The following COL8A1 variants were observed in gnomAD, a reference collection of about 807,000 sequenced individuals.
COL8A1 encodes collagen type VIII alpha 1 chain.
COL8A1 carries 21 observed loss-of-function variants against 42.7 expected under a neutral mutation model. That is an observed-to-expected ratio of 0.49 (90% confidence interval 0.35 to 0.71). The LOEUF (loss-of-function observed/expected upper bound fraction) is 0.71. Ranked by LOEUF, COL8A1 falls within the 30% of genes least tolerant of loss-of-function variation. The pLI, the probability that COL8A1 is intolerant of heterozygous loss-of-function variation, is 0.01. For synonymous variants in COL8A1, 367 were observed against 369.1 expected (o/e 0.99, Z 0.06); for missense variants, 788 against 962.4 (o/e 0.82, Z 2.40).
At chr3:99,717,564 C>G (rs959623255) in intron 1 of COL8A1, among the ~76,000 whole-genome samples, 1 of 151,990 alleles carries the variant, frequency 6.6e-6, no homozygotes, top group Non-Finnish European at 1.5e-5. Flanking sequence ...CAGAGTGCCA[C>G]TAGAAATAAA....
At chr3:99,735,206 A>G (rs1472086630) in intron 1 of COL8A1, among the ~76,000 whole-genome samples, 3 of 142,772 alleles carry the variant, frequency 2.1e-5, no homozygotes, top group African/African-American at 8.1e-5. Context: ...GAGTGGTGAG[A>G]GAGGGCATCC....
intron 1 of COL8A1, among the ~76,000 whole-genome samples, chr3:99,640,112 T>C (rs1423061798): frequency 2.0e-5 from 3 of 152,186 alleles, no homozygotes; most frequent in African/African-American, 7.2e-5. Context: ...GTTACTCAAA[T>C]GCAAGAGTTA....
intron 2 of COL8A1, among the ~76,000 whole-genome samples, chr3:99,787,866 ACACACACACCCACACC>A (rs1484875721): frequency 4.0e-5 from 6 of 151,086 alleles, no homozygotes; most frequent in Admixed American, 2.0e-4. Flanking sequence ...ATACACACAC[ACACACACACCCACACC>A]CACACACACA....
At chr3:99,740,141 T>C (rs1352090127) in intron 1 of COL8A1, among the ~76,000 whole-genome samples, 1 of 152,164 alleles carries the variant, frequency 6.6e-6, no homozygotes, top group Admixed American at 6.5e-5. Flanking sequence ...AGCCTGGACT[T>C]CATTATCCAT....
chr3:99,733,668 A>G (rs1174272704), intron 1 of COL8A1, among the ~76,000 whole-genome samples: 1 of 151,864 alleles, frequency 6.6e-6, no homozygotes, highest in African/African-American at 2.4e-5. Flanking sequence ...ATACCCAGTA[A>G]TGGGATGGCT....
chr3:99,657,175 A>G (rs1193565533), intron 1 of COL8A1, among the ~76,000 whole-genome samples: 2 of 152,230 alleles, frequency 1.3e-5, no homozygotes, highest in Non-Finnish European at 2.9e-5. Flanking sequence ...TGTACTGAGA[A>G]TCTTCACTAA....
chr3:99,684,843 C>T (rs1364495615), intron 1 of COL8A1, among the ~76,000 whole-genome samples: 1 of 152,126 alleles, frequency 6.6e-6, no homozygotes, highest in East Asian at 1.9e-4. Context: ...AGGTCTCACT[C>T]TTAAAAGAAA....
intron 2 of COL8A1, among the ~76,000 whole-genome samples, chr3:99,763,894 T>C (rs1941410662): frequency 6.6e-6 from 1 of 151,212 alleles, no homozygotes; most frequent in Non-Finnish European, 1.5e-5. Flanking sequence ...ATTTCTTGCT[T>C]TCACCTGGGG....
Position 99,799,200 on chromosome 3 carries a change from T to A in COL8A1, c.*3064T>A, listed in dbSNP as rs1942151708. On this transcript the variant is annotated 3_prime_UTR_variant, in exon 4 of 4. Transcript: ENST00000652472. ...TTTGTACTGATTTGAAAAACATCAT[T>A]AAATATCTTTAAAAGTATGTTTCTC... 1.3e-5 allele frequency: 2 copies of A among 152,254 alleles called. No individual in the cohort carries two copies. The highest frequency in any genetic ancestry group is 6.5e-5 in the Admixed American group (1 of 15,290). 9.4% of individuals were successfully genotyped at this position (152,254 alleles called of 1,614,324 possible).
chr3:99,689,673 G>A lies in COL8A1; in HGVS notation c.-129+51009G>A, dbSNP rs1314334588. 5.9e-5 allele frequency among the ~76,000 whole-genome samples: 9 copies of A among 152,002 alleles called. No homozygotes were observed. The East Asian group carries it at 1.7e-3, about 29-fold the overall frequency. On this transcript the variant is annotated intron_variant, in intron 1 of 3. Transcript: ENST00000652472. ...CTACAACACATTAAATTAAATATAT[G>A]GCTATAAATTATTTAACATTCATCC...
At chr3:99,650,151 A>G (rs369961380) in intron 1 of COL8A1, among the ~76,000 whole-genome samples, 11 of 152,104 alleles carry the variant, frequency 7.2e-5, no homozygotes, top group African/African-American at 2.7e-4. Flanking sequence ...TCCTTTCTCT[A>G]CAGAAAATGT....
chr3:99,736,564 GT>G (rs1231740898), intron 1 of COL8A1, among the ~76,000 whole-genome samples: 2 of 151,914 alleles, frequency 1.3e-5, no homozygotes, highest in African/African-American at 4.9e-5. Flanking sequence ...TTAATCCTGA[GT>G]TCTAGTTTGA....
chr3:99,648,209 C>T (rs1937714859), intron 1 of COL8A1, among the ~76,000 whole-genome samples: 1 of 152,162 alleles, frequency 6.6e-6, no homozygotes, highest in Admixed American at 6.6e-5. Flanking sequence ...TTGCCTAGGG[C>T]CACACAGCTA....
chr3:99,719,242 T>G (rs1168748717), intron 1 of COL8A1, among the ~76,000 whole-genome samples: 1 of 152,116 alleles, frequency 6.6e-6, no homozygotes, highest in Non-Finnish European at 1.5e-5. Context: ...TTAAAAAGAC[T>G]CTCCATAGTT....
At chr3:99,786,986 G>C (rs1243885720) in intron 2 of COL8A1, among the ~76,000 whole-genome samples, 3 of 152,066 alleles carry the variant, frequency 2.0e-5, no homozygotes, top group African/African-American at 7.2e-5. Context: ...GACCAGCCCA[G>C]GAACTGATTA....
chr3:99,772,324 G>C (rs1335853403), intron 2 of COL8A1, among the ~76,000 whole-genome samples: 2 of 152,186 alleles, frequency 1.3e-5, no homozygotes, highest in Non-Finnish European at 2.9e-5. Context: ...GAGTAGAGAA[G>C]AAAGAACAGG....
At chr3:99,774,281 A>G (rs868773227) in intron 2 of COL8A1, among the ~76,000 whole-genome samples, 15 of 151,854 alleles carry the variant, frequency 9.9e-5, no homozygotes, top group Middle Eastern at 3.4e-3. Context: ...GAATATCATT[A>G]TATGCCAAAA....
intron 1 of COL8A1, among the ~76,000 whole-genome samples, chr3:99,696,308 G>T (rs2107340456): frequency 6.6e-6 from 1 of 152,228 alleles, no homozygotes; most frequent in Non-Finnish European, 1.5e-5. Context: ...TCCATTCCTG[G>T]ATATTTAAGA....
intron 1 of COL8A1, among the ~76,000 whole-genome samples, chr3:99,696,487 A>C (rs1326677188): frequency 1.3e-5 from 2 of 152,206 alleles, no homozygotes; most frequent in Non-Finnish European, 2.9e-5. Context: ...ACAGCGGCTA[A>C]GGCAGAAAGA....
Sources: gnomAD v4.1 joint callset for allele counts (sites outside exome capture counted in the v4.1 genomes callset) on GRCh38, gnomAD v4.1.1 for gene constraint, MANE v1.5 for transcripts, NCBI Gene and HGNC (gene_info 2026-07-23, HGNC 2026-07-21) for gene names.